NFIB: variants seen among roughly 807,000 people sequenced by gnomAD.
NFIB encodes the protein nuclear factor I B.
In NFIB, 11 loss-of-function variants were observed where a neutral mutation model predicts 61.5. That is an observed-to-expected ratio of 0.18 (90% CI 0.11 to 0.30). NFIB has a LOEUF of 0.30. Ranked by LOEUF, NFIB falls within the 10% of genes least tolerant of loss-of-function variation. NFIB has a pLI of 1.00. For synonymous variants in NFIB, 260 were observed against 216.5 expected (o/e 1.20, Z -1.76); for missense variants, 471 against 608.9 (o/e 0.77, Z 2.38).
intron 5 of NFIB, among the ~76,000 whole-genome samples, chr9:14,148,437 A>C (rs985532201): frequency 1.2e-4 from 18 of 152,222 alleles, no homozygotes; most frequent in African/African-American, 4.3e-4. Flanking sequence ...TAATTAAAAA[A>C]AAAATCTTAT....
intron 2 of NFIB, among the ~76,000 whole-genome samples, chr9:14,226,981 T>C (rs1260545192): frequency 8.1e-6 from 1 of 122,736 alleles, no homozygotes; most frequent in Non-Finnish European, 1.7e-5. Context: ...CTCTAATAAA[T>C]ACAAAAAAAA....
chr9:14,090,578 T>C (rs7849675), intron 10 of NFIB, among the ~76,000 whole-genome samples: 9,360 of 152,142 alleles, frequency 0.062, 929 homozygotes, highest in African/African-American at 0.21. Flanking sequence ...AGTCTGAGCA[T>C]AGCTGGTGCT....
At chr9:14,388,940 A>T (rs1396477159) in intron 1 of NFIB, among the ~76,000 whole-genome samples, 1 of 152,238 alleles carries the variant, frequency 6.6e-6, no homozygotes, top group African/African-American at 2.4e-5. Context: ...GGAAGTTTTT[A>T]AAATTTTTCA....
In NFIB at chr9:14,214,408, A is replaced by G. The variant is rs534014755; in HGVS notation, c.563-34628T>C. The stretch of plus-strand genomic sequence containing the variant: ...TAATTTTTGAACAAGAGGCCCACAC[A>G]TTAGGGAGCTGGTCCTGAAGGCAAA... On this transcript the variant is annotated intron_variant, in intron 2 of 10. Coordinates refer to ENST00000380953, the MANE Select transcript of NFIB (RefSeq NM_001190737.2). 6.6e-5 allele frequency among the ~76,000 whole-genome samples: 10 copies of G among 152,330 alleles called. No individual in the cohort carries two copies. The South Asian group carries it at 2.1e-3, about 32-fold the overall frequency.
intron 2 of NFIB, among the ~76,000 whole-genome samples, chr9:14,185,035 C>T (rs1231808951): frequency 6.6e-6 from 1 of 151,856 alleles, no homozygotes; most frequent in Non-Finnish European, 1.5e-5. Flanking sequence ...CTCTGTAATG[C>T]TTATTAAATT....
intron 1 of NFIB, among the ~76,000 whole-genome samples, chr9:14,310,019 G>A (rs34797073): frequency 0.082 from 12,470 of 152,130 alleles, 1,209 homozygotes; most frequent in African/African-American, 0.23. Context: ...TATGTTCAGT[G>A]ACATTTCATT....
chr9:14,306,535 T>G (rs1284364451), intron 2 of NFIB, among the ~76,000 whole-genome samples: 1 of 152,112 alleles, frequency 6.6e-6, no homozygotes, highest in African/African-American at 2.4e-5. Flanking sequence ...ATAAACAAAG[T>G]CCCTCTACCT....
At chr9:14,348,533 C>T (rs60978243) in intron 1 of NFIB, among the ~76,000 whole-genome samples, 1,582 of 152,318 alleles carry the variant, frequency 0.01, 18 homozygotes, top group African/African-American at 0.036. Context: ...GTCAGTGCTT[C>T]GGCTCCAGTT....
the NFIB span, among the ~76,000 whole-genome samples, chr9:14,520,253 T>C: frequency 6.6e-5 from 10 of 152,218 alleles, no homozygotes; most frequent in African/African-American, 2.4e-4. Context: ...TAAATAGTAA[T>C]TATGAACTAC....
chr9:14,451,205 G>C, the NFIB span, among the ~76,000 whole-genome samples: 1 of 152,192 alleles, frequency 6.6e-6, no homozygotes, highest in African/African-American at 2.4e-5. Flanking sequence ...AGGTAGAAGA[G>C]TCACTTTATA....
chr9:14,528,083 T>G, the NFIB span, among the ~76,000 whole-genome samples: 19 of 152,162 alleles, frequency 1.2e-4, no homozygotes, highest in African/African-American at 4.6e-4. Flanking sequence ...ATTTTAGGAT[T>G]TTCAGTTTAA....
At chr9:14,378,342 T>C (rs565302067) in intron 1 of NFIB, among the ~76,000 whole-genome samples, 1 of 152,300 alleles carries the variant, frequency 6.6e-6, no homozygotes, top group African/African-American at 2.4e-5. Context: ...CCAACTACTT[T>C]ATTCTTTTCT....
chr9:14,360,803 C>G (rs375611260), intron 1 of NFIB, among the ~76,000 whole-genome samples: 11 of 152,094 alleles, frequency 7.2e-5, no homozygotes, highest in African/African-American at 2.6e-4. Context: ...CTGGGCCTCC[C>G]AAAGCCTGGG....
chr9:14,166,927 T>C (rs1315697048), intron 3 of NFIB, among the ~76,000 whole-genome samples: 1 of 152,210 alleles, frequency 6.6e-6, no homozygotes, highest in East Asian at 1.9e-4. Context: ...TTTTGTAGGT[T>C]CACTTTTCGT....
chr9:14,405,982 A>C, the NFIB span, among the ~76,000 whole-genome samples: 2 of 152,358 alleles, frequency 1.3e-5, no homozygotes, highest in East Asian at 3.9e-4. Flanking sequence ...TTGTACTGCC[A>C]AAGAAACCAT....
chr9:14,284,389 C>A (rs1298579619), intron 2 of NFIB, among the ~76,000 whole-genome samples: 1 of 152,032 alleles, frequency 6.6e-6, no homozygotes, highest in Non-Finnish European at 1.5e-5. Context: ...ATAGCCTTAT[C>A]TAAGAAGAAA....
the NFIB span, among the ~76,000 whole-genome samples, chr9:14,480,143 T>C: frequency 0.15 from 23,183 of 151,932 alleles, 3,221 homozygotes; most frequent in African/African-American, 0.36. Context: ...CTCTTCAATT[T>C]TTCAGATATG....
At chr9:14,272,029 A>T (rs1206211018) in intron 2 of NFIB, among the ~76,000 whole-genome samples, 1 of 152,228 alleles carries the variant, frequency 6.6e-6, no homozygotes, top group Non-Finnish European at 1.5e-5. Flanking sequence ...AGTATTTTTA[A>T]AAGGCAAATT....
At chr9:14,096,171 T>C (rs1182456521) in intron 10 of NFIB, among the ~76,000 whole-genome samples, 1 of 152,168 alleles carries the variant, frequency 6.6e-6, no homozygotes, top group Non-Finnish European at 1.5e-5. Flanking sequence ...ACTACATCTG[T>C]AAATATGGCA....
Sources: gnomAD v4.1 joint callset for allele counts (sites outside exome capture counted in the v4.1 genomes callset) on GRCh38, gnomAD v4.1.1 for gene constraint, MANE v1.5 for transcripts, NCBI Gene and HGNC (gene_info 2026-07-23, HGNC 2026-07-21) for gene names.